Variants in PIK3CB observed in about 807,000 individuals in gnomAD.
PIK3CB encodes the protein phosphatidylinositol 4,5-bisphosphate 3-kinase catalytic subunit beta isoform.
In PIK3CB, 39 loss-of-function variants were observed where a neutral mutation model predicts 136.8. That is an observed-to-expected ratio of 0.29 (90% CI 0.22 to 0.37). The LOEUF (loss-of-function observed/expected upper bound fraction) is 0.37, where lower values mean the gene tolerates loss of function less well. Among genes scored for constraint, PIK3CB ranks in the 10% least tolerant of loss-of-function variants. The probability of loss-of-function intolerance (pLI) is 1.00; values close to 1 mark genes in which losing one functional copy is unlikely to be tolerated. For synonymous variants in PIK3CB, 428 were observed against 436.6 expected (o/e 0.98, Z 0.25); for missense variants, 868 against 1,275.4 (o/e 0.68, Z 4.87).
At chr3:138,704,568 G>T in intron 11 of PIK3CB, 75 bp from the exon 12 acceptor site, 1 of 910,464 alleles carries the variant, frequency 1.1e-6, no homozygotes, top group Non-Finnish European at 1.8e-6. Flanking sequence ...GACTACATTT[G>T]TACTTAGACT....
chr3:138,713,620 G>T (rs536361585), intron 9 of PIK3CB, among the ~76,000 whole-genome samples: 5 of 152,108 alleles, frequency 3.3e-5, no homozygotes. Flanking sequence ...GCAGTGAGCC[G>T]AGATCGTGCC....
intron 4 of PIK3CB, among the ~76,000 whole-genome samples, chr3:138,754,165 TA>T (rs1048933183): frequency 1.3e-5 from 2 of 152,048 alleles, no homozygotes; most frequent in African/African-American, 2.4e-5. Flanking sequence ...TTAAATTCTA[TA>T]AAAATATTTG....
At chr3:138,830,242 G>A (rs894509207) in intron 1 of PIK3CB, among the ~76,000 whole-genome samples, 2 of 152,056 alleles carry the variant, frequency 1.3e-5, no homozygotes, top group Admixed American at 1.3e-4. Context: ...ACCACGGTAA[G>A]CCAAATTCTA....
chr3:138,811,241 A>G (rs1933031832), intron 1 of PIK3CB, among the ~76,000 whole-genome samples: 1 of 62,848 alleles, frequency 1.6e-5, no homozygotes, highest in Non-Finnish European at 3.7e-5. Context: ...AGACTCTGCC[A>G]AAAAAAAAAA....
At position 138,767,185 on chromosome 3, in the gene PIK3CB, CCAAAAA is replaced by C. The variant is rs1222449172; in HGVS notation, c.-16-7832_-16-7827del. 7.2e-5 allele frequency among the ~76,000 whole-genome samples: 11 copies of C among 152,030 alleles called. No homozygotes were observed. In the East Asian group the frequency reaches 1.5e-3, roughly 21 times the overall value. On this transcript the variant is annotated intron_variant, in intron 2 of 23. Coordinates refer to ENST00000674063, the MANE Select transcript of PIK3CB (RefSeq NM_006219.3). ...ACTCTGTATCAAAGAAAAAACGAAACCAAAAACAAAAACAAAAAACAAGCTTTTCAA... is the reference window on the plus strand; with the variant it reads ...ACTCTGTATCAAAGAAAAAACGAAACCAAAAACAAAAAACAAGCTTTTCAA...
chr3:138,819,105 T>G (rs1348724234), intron 1 of PIK3CB, among the ~76,000 whole-genome samples: 2 of 152,172 alleles, frequency 1.3e-5, no homozygotes, highest in Non-Finnish European at 2.9e-5. Context: ...TCCCAGCACT[T>G]TGGGAGGCCA....
chr3:138,665,541 T>C (rs2043390236), intron 19 of PIK3CB, among the ~76,000 whole-genome samples: 1 of 152,192 alleles, frequency 6.6e-6, no homozygotes, highest in East Asian at 1.9e-4. Context: ...AATAAACTAC[T>C]CTTTATGGAA....
chr3:138,707,616 C>A (rs556280913), intron 10 of PIK3CB: 20 of 1,021,984 alleles, frequency 2.0e-5, no homozygotes, highest in Non-Finnish European at 2.0e-5. Context: ...CCCATAGAAA[C>A]TATAATCTCA....
rs552117673 is a variant in PIK3CB at position 138,772,940 on chromosome 3, C to T, written c.-16-13581G>A. ...AGCTGGGACTACAGTTGCCTGCCAC[C>T]GTGCCTGGCTACTTTTTTTGTATTT... On this transcript the variant is annotated intron_variant, in intron 2 of 23. Coordinates refer to ENST00000674063, the MANE Select transcript of PIK3CB (RefSeq NM_006219.3). 4.6e-5 allele frequency among the ~76,000 whole-genome samples: 7 copies of T among 151,814 alleles called. No individual in the cohort carries two copies. In the East Asian group the frequency reaches 7.8e-4, roughly 17 times the overall value.
chr3:138,655,861 C>T (rs1414682586), intron 23 of PIK3CB, among the ~76,000 whole-genome samples: 7 of 152,270 alleles, frequency 4.6e-5, no homozygotes, highest in Middle Eastern at 3.4e-3. Context: ...GGTGGCAACC[C>T]GCTCCTGATC....
At chr3:138,800,334 CACTT>C (rs957870340) in intron 1 of PIK3CB, among the ~76,000 whole-genome samples, 3 of 151,520 alleles carry the variant, frequency 2.0e-5, no homozygotes, top group Admixed American at 2.0e-4. Context: ...TAACCCATGA[CACTT>C]TTTTTTTTTT....
intron 1 of PIK3CB, among the ~76,000 whole-genome samples, chr3:138,815,789 C>T (rs1933298253): frequency 6.6e-6 from 1 of 152,170 alleles, no homozygotes; most frequent in Non-Finnish European, 1.5e-5. Flanking sequence ...GAGACTTGAG[C>T]ACCCATGGAT....
intron 16 of PIK3CB, 128 bp downstream of exon 16, chr3:138,688,747 G>A: frequency 1.7e-6 from 1 of 573,098 alleles, no homozygotes; most frequent in South Asian, 2.5e-5. Flanking sequence ...TGGGAGAAAT[G>A]GCATTTGATA....
chr3:138,720,979 C>A (rs1420833019), intron 8 of PIK3CB, among the ~76,000 whole-genome samples: 1 of 152,182 alleles, frequency 6.6e-6, no homozygotes, highest in African/African-American at 2.4e-5. Flanking sequence ...ACCATTTACT[C>A]TCCAGAGAGA....
intron 2 of PIK3CB, among the ~76,000 whole-genome samples, chr3:138,794,800 C>T (rs2108824055): frequency 6.6e-6 from 1 of 152,234 alleles, no homozygotes; most frequent in South Asian, 2.1e-4. Flanking sequence ...TTGCAGACAC[C>T]AAAATCCAGA....
chr3:138,738,296 T>C (rs1220809642), intron 5 of PIK3CB, among the ~76,000 whole-genome samples: 1 of 152,008 alleles, frequency 6.6e-6, no homozygotes, highest in Non-Finnish European at 1.5e-5. Flanking sequence ...CTCAGCCTCC[T>C]GAGGAGCTAG....
At chr3:138,705,198 A>AAC (rs2044352589) in intron 11 of PIK3CB, among the ~76,000 whole-genome samples, 1 of 144,076 alleles carries the variant, frequency 6.9e-6, no homozygotes, top group Non-Finnish European at 1.5e-5. Flanking sequence ...AACAAAAAAA[A>AAC]AAACTTATAT....
chr3:138,780,246 C>T (rs7637073), intron 2 of PIK3CB, among the ~76,000 whole-genome samples: 6,732 of 151,860 alleles, frequency 0.044, 492 homozygotes, highest in African/African-American at 0.15. Context: ...TGTGTGAGCC[C>T]ACCAGAAAAC....
chr3:138,763,936 A>G (rs1244867642), intron 2 of PIK3CB, among the ~76,000 whole-genome samples: 2 of 149,134 alleles, frequency 1.3e-5, no homozygotes, highest in African/African-American at 5.0e-5. Context: ...CATGGTGAAA[A>G]CCCGTCTCTG....
Sources: gnomAD v4.1 joint callset for allele counts (sites outside exome capture counted in the v4.1 genomes callset) on GRCh38, gnomAD v4.1.1 for gene constraint, MANE v1.5 for transcripts, NCBI Gene and HGNC (gene_info 2026-07-23, HGNC 2026-07-21) for gene names.